CHST11: variants seen among roughly 807,000 people sequenced by gnomAD.
The protein encoded by CHST11 is carbohydrate sulfotransferase 11, also known as C4S-1.
CHST11 carries 9 observed loss-of-function variants against 30.4 expected under a neutral mutation model. The ratio of observed to expected loss-of-function variants is 0.30; its 90% confidence interval spans 0.18 to 0.52. CHST11 has a LOEUF of 0.52. CHST11 is among the 20% of genes least tolerant of loss of function. The pLI is 0.97. For missense variants in CHST11, 348 were observed against 460.6 expected (o/e 0.76, Z 2.24); for synonymous variants, 152 against 187.8 (o/e 0.81, Z 1.56).
intron 1 of CHST11, among the ~76,000 whole-genome samples, chr12:104,509,113 CTG>C (rs2037937269): frequency 6.6e-6 from 1 of 152,192 alleles, no homozygotes; most frequent in African/African-American, 2.4e-5. Flanking sequence ...GGGAAGGATC[CTG>C]TGGGAGGTCA....
At chr12:104,592,591 T>G (rs1027043343) in intron 1 of CHST11, among the ~76,000 whole-genome samples, 2 of 152,208 alleles carry the variant, frequency 1.3e-5, no homozygotes, top group Non-Finnish European at 2.9e-5. Context: ...TGAATTTTAG[T>G]GGGGACACAA....
chr12:104,688,601 T>C (rs1194113675), intron 2 of CHST11, among the ~76,000 whole-genome samples: 1 of 152,232 alleles, frequency 6.6e-6, no homozygotes, highest in East Asian at 1.9e-4. Context: ...TAAAAACCTG[T>C]AAGATATTCT....
intron 2 of CHST11, among the ~76,000 whole-genome samples, chr12:104,665,254 T>G (rs916981846): frequency 7.2e-5 from 11 of 152,232 alleles, no homozygotes; most frequent in Non-Finnish European, 1.3e-4. Context: ...TCTGGGCTTA[T>G]TTTTACATCT....
intron 2 of CHST11, among the ~76,000 whole-genome samples, chr12:104,670,319 ATC>A (rs776748500): frequency 9.2e-5 from 14 of 152,062 alleles, no homozygotes; most frequent in Non-Finnish European, 2.1e-4. Context: ...TCCACCAGCA[ATC>A]TCTGCCTCTG....
chr12:104,646,888 C>T (rs2039438218), intron 2 of CHST11, among the ~76,000 whole-genome samples: 1 of 152,166 alleles, frequency 6.6e-6, no homozygotes, highest in Non-Finnish European at 1.5e-5. Flanking sequence ...TCCCTGAGTG[C>T]TTATTCTGTG....
intron 2 of CHST11, among the ~76,000 whole-genome samples, chr12:104,672,732 C>T (rs777064770): frequency 2.0e-5 from 3 of 152,200 alleles, no homozygotes; most frequent in Admixed American, 6.5e-5. Context: ...AAAACTGGCT[C>T]GTGATTCTGA....
At chr12:104,550,604 A>G (rs1273588778) in intron 1 of CHST11, among the ~76,000 whole-genome samples, 5 of 152,228 alleles carry the variant, frequency 3.3e-5, no homozygotes, top group African/African-American at 1.2e-4. Flanking sequence ...TTTGGCCCAC[A>G]TGCCTTTGTT....
chr12:104,738,680 G>A (rs1178507552), intron 2 of CHST11, among the ~76,000 whole-genome samples: 3 of 152,198 alleles, frequency 2.0e-5, no homozygotes, highest in Non-Finnish European at 2.9e-5. Context: ...TTTACAGTGA[G>A]GAAATAGAGG....
intron 2 of CHST11, among the ~76,000 whole-genome samples, chr12:104,704,898 A>G (rs1177729493): frequency 6.6e-6 from 1 of 152,106 alleles, no homozygotes; most frequent in African/African-American, 2.4e-5. Flanking sequence ...CACTGAGAGG[A>G]GCGCACCCAG....
intron 2 of CHST11, among the ~76,000 whole-genome samples, chr12:104,608,326 C>T (rs549032369): frequency 6.6e-6 from 1 of 152,242 alleles, no homozygotes; most frequent in African/African-American, 2.4e-5. Context: ...TCTTCACATT[C>T]CAGGACACAT....
chr12:104,583,457 T>A (rs1471522952), intron 1 of CHST11, among the ~76,000 whole-genome samples: 4 of 152,124 alleles, frequency 2.6e-5, no homozygotes, highest in Non-Finnish European at 5.9e-5. Flanking sequence ...GCAGCTCCAA[T>A]GGCCTTTTCC....
intron 1 of CHST11, among the ~76,000 whole-genome samples, chr12:104,476,571 GT>G (rs1003491801): frequency 1.2e-4 from 18 of 151,488 alleles, no homozygotes; most frequent in African/African-American, 1.5e-4. Context: ...AAAAAATGCC[GT>G]TTTTTTTGTA....
chr12:104,633,889 C>T (rs962790391), intron 2 of CHST11, among the ~76,000 whole-genome samples: 1 of 152,208 alleles, frequency 6.6e-6, no homozygotes, highest in African/African-American at 2.4e-5. Flanking sequence ...CCCCCTGCCC[C>T]ACCTCTCTGT....
chr12:104,731,961 T>C lies in CHST11; in HGVS notation c.205-24988T>C, dbSNP rs548758310. Among the ~76,000 whole-genome samples, 30 of 152,326 alleles carry C rather than the reference T, an allele frequency of 2.0e-4. No homozygotes were observed. The East Asian group carries it at 2.7e-3, about 14-fold the overall frequency. ...GGCTGGCAGCCCAGCAGATTGGCCT[T>C]TGGTGGCATTTTGGGGGAATCAGCA... On this transcript the variant is annotated intron_variant, in intron 2 of 2. Transcript: ENST00000303694.
chr12:104,739,590 C>T (rs2040329888), intron 2 of CHST11, among the ~76,000 whole-genome samples: 1 of 152,240 alleles, frequency 6.6e-6, no homozygotes, highest in Non-Finnish European at 1.5e-5. Flanking sequence ...AACCACTCTG[C>T]TCTGCTGCCC....
At chr12:104,638,298 A>G (rs1020226520) in intron 2 of CHST11, among the ~76,000 whole-genome samples, 1 of 145,036 alleles carries the variant, frequency 6.9e-6, no homozygotes, top group Non-Finnish European at 1.5e-5. Flanking sequence ...TTCATTTTGT[A>G]TATGTGTGAA....
chr12:104,743,773 A>G (rs75279595), intron 2 of CHST11, among the ~76,000 whole-genome samples: 2 of 151,216 alleles, frequency 1.3e-5, no homozygotes, highest in African/African-American at 4.9e-5. Flanking sequence ...CCCACCTTCC[A>G]CCCTCCAAAA....
intron 2 of CHST11, among the ~76,000 whole-genome samples, chr12:104,677,364 G>C (rs1003975251): frequency 6.6e-6 from 1 of 152,172 alleles, no homozygotes; most frequent in Non-Finnish European, 1.5e-5. Flanking sequence ...AGGAACAAAA[G>C]GGTTATTCAG....
intron 1 of CHST11, among the ~76,000 whole-genome samples, chr12:104,583,234 C>T (rs545142500): frequency 5.9e-5 from 9 of 152,248 alleles, no homozygotes; most frequent in Non-Finnish European, 1.0e-4. Flanking sequence ...TAAGATGAAA[C>T]CCTCCTTAAA....
Sources: gnomAD v4.1 joint callset for allele counts (sites outside exome capture counted in the v4.1 genomes callset) on GRCh38, gnomAD v4.1.1 for gene constraint, MANE v1.5 for transcripts, NCBI Gene and HGNC (gene_info 2026-07-23, HGNC 2026-07-21) for gene names.